Variants in TECTA observed in about 807,000 individuals in gnomAD.
The protein encoded by TECTA is tectorin alpha, also known as alpha-tectorin.
In TECTA, 128 loss-of-function variants were observed where a neutral mutation model predicts 216.8. The ratio of observed to expected loss-of-function variants is 0.59; its 90% CI spans 0.51 to 0.68. The LOEUF (loss-of-function observed/expected upper bound fraction) is 0.68, where lower values mean the gene tolerates loss of function less well. Among genes scored for constraint, TECTA ranks in the 30% least tolerant of loss-of-function variants. TECTA has a pLI of 0.00. For missense variants in TECTA, 2,551 were observed against 2,786.2 expected (o/e 0.92, Z 1.90); for synonymous variants, 1,089 against 1,117.1 (o/e 0.97, Z 0.50).
chr11:121,139,720 CAAAT>C (rs1452035986), intron 11 of TECTA, among the ~76,000 whole-genome samples: 1 of 151,844 alleles, frequency 6.6e-6, no homozygotes, highest in African/African-American at 2.4e-5. Context: ...TGAAATGATA[CAAAT>C]AACCGCTTTC....
intron 14 of TECTA, 35 bp from the exon 15 acceptor site, chr11:121,160,100 A>G: frequency 6.2e-7 from 1 of 1,613,956 alleles, no homozygotes. Context: ...CACCTACTCT[A>G]AGCGTAATTA....
rs1947316660 is a variant in TECTA at position 121,189,169 on chromosome 11, TATGTATGTTCC to T, written c.6250+3_6250+13del. On this transcript the variant is annotated splice_donor_5th_base_variant and intron_variant, in intron 22 of 23. Coordinates refer to ENST00000392793, the MANE Select transcript of TECTA (RefSeq NM_005422.4). ...CAGTGGGACCTATTAGGAGAAAAAG[TATGTATGTTCC>T]CTAAAACACACCCTAAATTATTAAA... is the stretch of plus-strand genomic sequence containing the variant. 2 of 1,613,528 alleles carry T rather than the reference TATGTATGTTCC, an allele frequency of 1.2e-6. No homozygotes were observed. Among genetic ancestry groups the T allele is most frequent in the African/African-American group, 2.7e-5 (2 of 74,868 alleles).
intron 2 of TECTA, 108 bp downstream of exon 2, chr11:121,102,837 C>T: frequency 1.1e-6 from 1 of 904,478 alleles, no homozygotes; most frequent in Non-Finnish European, 1.8e-6. Context: ...TGTGTGTCTA[C>T]AGATACAAGA....
intron 20 of TECTA, among the ~76,000 whole-genome samples, chr11:121,184,816 G>A (rs1044717751): frequency 1.1e-4 from 16 of 152,210 alleles, no homozygotes; most frequent in Non-Finnish European, 1.8e-4. Flanking sequence ...TTGTATTTCT[G>A]AATTGATGTT....
Position 121,191,199 on chromosome 11 carries a change from G to C in TECTA, c.*393G>C. On this transcript the variant is annotated 3_prime_UTR_variant, in exon 24 of 24. Transcript: ENST00000392793. ...GTTTTTTACAGAGAGAGGGCCTGTT[G>C]GAACGATTTTGAAGTGATGACTGGA... 1 of 306,208 alleles carries C rather than the reference G, an allele frequency of 3.3e-6. No homozygotes were observed. Among genetic ancestry groups the C allele is most frequent in the Non-Finnish European group, 6.3e-6 (1 of 159,670 alleles). 19.0% of individuals were successfully genotyped at this position (306,208 alleles called of 1,614,324 possible).
At chr11:121,126,014 C>T (rs954650395) in intron 8 of TECTA, 142 bp downstream of exon 8, 17 of 1,030,426 alleles carry the variant, frequency 1.6e-5, no homozygotes, top group Non-Finnish European at 2.3e-5. Context: ...TTACAAAGAA[C>T]GAATTGTGAA....
rs1205822683 is a variant in TECTA, at chr11:121,127,934, G to A, written c.1957G>A (p.Asp653Asn). Reference sequence around the variant, plus strand: ...CGTCCCTCTGCACAAGTGCGGCTGCGACTTCGACGGCCACTACTACACCAT... The same window carrying A: ...CGTCCCTCTGCACAAGTGCGGCTGCAACTTCGACGGCCACTACTACACCAT... ...QCVPLHKCGC[D>N]FDGHYYTMGE... Residue 653 changes from aspartate to asparagine, a missense_variant, in exon 9 of 24, where the codon GAC becomes AAC. Transcript: ENST00000392793. The surrounding 1 kb of genome is among the most constrained non-coding windows in gnomAD (Gnocchi z 5.0). 8 of 1,614,012 alleles carry A rather than the reference G, an allele frequency of 5.0e-6. No individual in the cohort carries two copies. Among genetic ancestry groups the A allele is most frequent in the African/African-American group, 2.7e-5 (2 of 74,942 alleles).
At chr11:121,129,517 A>T in intron 9 of TECTA, 121 bp from the exon 10 acceptor site, 1 of 998,704 alleles carries the variant, frequency 1.0e-6, no homozygotes, top group Non-Finnish European at 1.6e-6. Context: ...GGGTTCCATC[A>T]GCTTCTTGAC....
chr11:121,124,866 G>A (rs1283869163), intron 7 of TECTA, among the ~76,000 whole-genome samples: 1 of 152,222 alleles, frequency 6.6e-6, no homozygotes, highest in African/African-American at 2.4e-5. Flanking sequence ...GCTGAGAGTG[G>A]GGTGAGGAGG....
chr11:121,190,002 A>G, intron 23 of TECTA, 122 bp downstream of exon 23: 1 of 778,254 alleles, frequency 1.3e-6, no homozygotes, highest in African/African-American at 1.7e-5. Context: ...AACTCCAGAA[A>G]TTAAGAAGGA....
intron 20 of TECTA, among the ~76,000 whole-genome samples, chr11:121,180,409 GT>G (rs202141547): frequency 1.3e-5 from 2 of 151,962 alleles, no homozygotes; most frequent in Admixed American, 6.6e-5. Flanking sequence ...TGATTAGCAG[GT>G]TTTTTTTATT....
At chr11:121,151,819 C>T (rs556455758) in intron 12 of TECTA, among the ~76,000 whole-genome samples, 2 of 152,280 alleles carry the variant, frequency 1.3e-5, no homozygotes, top group Admixed American at 6.5e-5. Context: ...AAATAACCCC[C>T]CATATAGATA....
intron 12 of TECTA, 131 bp downstream of exon 12, chr11:121,146,247 A>G: frequency 9.0e-7 from 1 of 1,105,110 alleles, no homozygotes; most frequent in Middle Eastern, 2.8e-4. Flanking sequence ...TTTGGAACTG[A>G]GTTTGTTATC....
In TECTA at chr11:121,157,825, G is replaced by T. The variant is rs1471073676; in HGVS notation, c.4306-16G>T. On this transcript the variant is annotated splice_polypyrimidine_tract_variant and intron_variant, in intron 13 of 23. Coordinates refer to ENST00000392793, the MANE Select transcript of TECTA (RefSeq NM_005422.4). The stretch of plus-strand genomic sequence containing the variant: ...ACCACAGTCTGAATTTAATGCAAAC[G>T]GCGCCTCTCTTCCAGCCCAAGCAGC... 6.2e-7 allele frequency: 1 copy of T among 1,613,238 alleles called. No individual in the cohort carries two copies. Among genetic ancestry groups the T allele is most frequent in the South Asian group, 1.1e-5 (1 of 90,970 alleles).
In TECTA at chr11:121,128,316, T is replaced by C. The variant is rs1486512925; in HGVS notation, c.2339T>C (p.Ile780Thr). ...RILVADQEVK[I>T]GGIGASEVKL... ...CTGGTGGCCGACCAGGAGGTCAAGA[T>C]AGGAGGCATCGGGGCTTCGGAAGTC... The change falls in exon 9 of 24, where the codon ATA becomes ACA. Residue 780 changes from isoleucine (I) to threonine (T), a missense_variant. Ile to Thr is a moderately conservative substitution (Grantham distance 89). Coordinates refer to ENST00000392793, the MANE Select transcript of TECTA (RefSeq NM_005422.4). The C allele has an allele frequency of 1.9e-6, 3 of 1,599,662 alleles. No homozygotes were observed. In the Admixed American group the frequency reaches 5.0e-5, roughly 27 times the overall value.
At chr11:121,186,153 A>G (rs78828270) in intron 20 of TECTA, among the ~76,000 whole-genome samples, 8 of 148,998 alleles carry the variant, frequency 5.4e-5, no homozygotes, top group East Asian at 2.0e-4. Context: ...CAGATGTTCA[A>G]TGCTTAATGA....
intron 10 of TECTA, among the ~76,000 whole-genome samples, chr11:121,130,681 T>C (rs1946665434): frequency 6.6e-6 from 1 of 152,236 alleles, no homozygotes; most frequent in South Asian, 2.1e-4. Flanking sequence ...CTTTTAATTT[T>C]GTCCCGAAAG....
Position 121,138,032 on chromosome 11 carries a change from C to T in TECTA, c.3543+10C>T. On this transcript the variant is annotated intron_variant, in intron 11 of 23. Coordinates refer to ENST00000392793, the MANE Select transcript of TECTA (RefSeq NM_005422.4). Reference sequence around the variant, plus strand: ...CAAGCACACTGTGCTGGTGAGTAGTCATGAGGTCCCCTCAAAAGGGGAATC... The same window carrying T: ...CAAGCACACTGTGCTGGTGAGTAGTTATGAGGTCCCCTCAAAAGGGGAATC... The T allele has an allele frequency of 6.2e-7, 1 of 1,613,548 alleles. No homozygotes were observed.
At chr11:121,171,642 A>G (rs925339257) in intron 20 of TECTA, among the ~76,000 whole-genome samples, 3 of 152,036 alleles carry the variant, frequency 2.0e-5, no homozygotes, top group Non-Finnish European at 4.4e-5. Flanking sequence ...ACTTGGTTAA[A>G]TTTATTCCTA....
Sources: gnomAD v4.1 joint callset for allele counts (sites outside exome capture counted in the v4.1 genomes callset) on GRCh38, gnomAD v4.1.1 for gene constraint, Gnocchi (gnomAD v3.1) non-coding constraint, MANE v1.5 for transcripts, NCBI Gene and HGNC (gene_info 2026-07-23, HGNC 2026-07-21) for gene names.